The following GGACT variants were observed in gnomAD, a reference collection of about 807,000 sequenced individuals.
The protein encoded by GGACT is gamma-glutamylamine cyclotransferase.
For missense variants in GGACT, 241 were observed against 233.2 expected, an observed-to-expected ratio of 1.03 and a Z score of -0.22; for synonymous variants, 118 against 115.3, an observed-to-expected ratio of 1.02 and a Z score of -0.15.
intron 2 of GGACT, among the ~76,000 whole-genome samples, chr13:100,571,571 C>T (rs1875083845): frequency 6.6e-6 from 1 of 152,140 alleles, no homozygotes; most frequent in Admixed American, 6.5e-5. Flanking sequence ...CTTCAGCCTC[C>T]CCAAGTGCTA....
At chr13:100,577,188 G>A (rs1173818160) in intron 2 of GGACT, among the ~76,000 whole-genome samples, 9 of 152,110 alleles carry the variant, frequency 5.9e-5, no homozygotes, top group East Asian at 1.9e-4. Flanking sequence ...GGCTGAGGAC[G>A]GCGGATCATC....
Position 100,530,243 on chromosome 13 carries a change from C to G in GGACT, c.*1887G>C. The G allele has an allele frequency of 2.6e-6, 3 of 1,168,690 alleles. No individual in the cohort carries two copies. The highest frequency in any genetic ancestry group is 3.9e-6 in the Non-Finnish European group (3 of 778,640). The allele number at this position is 1,168,690 out of a possible 1,614,324, so 72.4% of individuals were successfully genotyped here. On this transcript the variant is annotated 3_prime_UTR_variant, in exon 3 of 3. Transcript: ENST00000683975. Reference sequence around the variant, plus strand: ...TGCTTTCACACACAATTGATTCAAGCATTATACAGGAACACCCCTGTGCAG... The same window carrying G: ...TGCTTTCACACACAATTGATTCAAGGATTATACAGGAACACCCCTGTGCAG...
In GGACT at chr13:100,532,494, C is replaced by G. The variant is rs1427776941; in HGVS notation, c.98G>C (p.Arg33Pro). Residue 33 changes from arginine to proline, a missense_variant, in exon 3 of 3, where the codon CGC (arginine) becomes CCC (proline). Coordinates refer to ENST00000683975, the MANE Select transcript of GGACT (RefSeq NM_001195087.2). The part of the protein sequence containing the change: ...GAHGSAAFRA[R>P]GRTLEPYPLV... ...CGGGTAGGGCTCCAGCGTGCGGCCGCGCGCCCGAAAGGCTGCGGAGCCGTG... is the reference window on the plus strand; with the variant it reads ...CGGGTAGGGCTCCAGCGTGCGGCCGGGCGCCCGAAAGGCTGCGGAGCCGTG... 1.9e-6 allele frequency: 3 copies of G among 1,548,890 alleles called. No homozygotes were observed.
At chr13:100,546,642 G>C (rs2088607786) in intron 2 of GGACT, among the ~76,000 whole-genome samples, 1 of 152,170 alleles carries the variant, frequency 6.6e-6, no homozygotes, top group Non-Finnish European at 1.5e-5. Context: ...CACCACTGCA[G>C]CATGGGCCTC....
chr13:100,532,310 C>T lies in GGACT; in HGVS notation c.282G>A (p.Arg94=), dbSNP rs1037573033. ...CPALYQRTVL[R]VQLLEDRAPG... ...GGGCCCGGTCCTCCAGCAGCTGTAC[C>T]CGCAGCACCGTGCGCTGGTACAGGG... The change falls in exon 3 of 3, where the codon CGG becomes CGA. Residue 94 remains arginine, a synonymous_variant. Transcript: ENST00000683975. The T allele has an allele frequency of 4.5e-6, 7 of 1,548,488 alleles. No homozygotes were observed. Among genetic ancestry groups the T allele is most frequent in the South Asian group, 1.2e-5 (1 of 83,960 alleles).
At chr13:100,551,102 G>T (rs770125957) in intron 2 of GGACT, among the ~76,000 whole-genome samples, 8 of 152,044 alleles carry the variant, frequency 5.3e-5, no homozygotes, top group Non-Finnish European at 1.0e-4. Context: ...GGCTAACATA[G>T]TGAAACCCCA....
intron 1 of GGACT, among the ~76,000 whole-genome samples, chr13:100,585,459 C>A (rs923066718): frequency 6.6e-6 from 1 of 152,096 alleles, no homozygotes; most frequent in Non-Finnish European, 1.5e-5. Flanking sequence ...ACATCTGCCA[C>A]CCCTGCCCTA....
Position 100,534,256 on chromosome 13 carries a change from T to C in GGACT, c.-10-1655A>G, listed in dbSNP as rs982117366. Among the ~76,000 whole-genome samples the C allele has an allele frequency of 6.6e-6, 1 of 152,086 alleles. No homozygotes were observed. Among genetic ancestry groups the C allele is most frequent in the South Asian group, 2.1e-4 (1 of 4,822 alleles). Reference sequence around the variant, plus strand: ...CATTGCACTAGGAAAGGTGTGGCCGTGGGAAAAACACAAGGCTAGCCAGAT... The same window carrying C: ...CATTGCACTAGGAAAGGTGTGGCCGCGGGAAAAACACAAGGCTAGCCAGAT... On this transcript the variant is annotated intron_variant, in intron 2 of 2. Transcript: ENST00000683975. This position sits in a 1 kb window ranked among gnomAD's most constrained non-coding sequence, Gnocchi z 4.9.
chr13:100,560,822 T>C (rs941632352), intron 2 of GGACT, among the ~76,000 whole-genome samples: 11 of 152,232 alleles, frequency 7.2e-5, no homozygotes, highest in Admixed American at 7.2e-4. Flanking sequence ...TGTCCTAAAG[T>C]ACAACGGAGT....
chr13:100,555,177 A>C (rs1203620530), intron 2 of GGACT, among the ~76,000 whole-genome samples: 1 of 152,230 alleles, frequency 6.6e-6, no homozygotes, highest in Non-Finnish European at 1.5e-5. Flanking sequence ...AGCACTTCTC[A>C]ACTCCTTTTA....
rs1420776050 is a variant in GGACT at position 100,537,648 on chromosome 13, G to A, written c.-10-5047C>T. 4 of 152,272 alleles carry A rather than the reference G, an allele frequency of 2.6e-5. No homozygotes were observed. In the East Asian group the frequency reaches 7.7e-4, roughly 29 times the overall value. 9.4% of individuals were successfully genotyped at this position (152,272 alleles called of 1,614,324 possible). On this transcript the variant is annotated intron_variant, in intron 2 of 2. Transcript: ENST00000683975. ...AGACACACTTGTCAAAGGGCGCCTC[G>A]CGGGAGACAGCTGCACAGCACAGGC...
intron 2 of GGACT, among the ~76,000 whole-genome samples, chr13:100,579,691 ACC>A (rs1875356282): frequency 6.6e-6 from 1 of 152,020 alleles, no homozygotes; most frequent in South Asian, 2.1e-4. Flanking sequence ...ATCAGCTCAC[ACC>A]CTTTTTTCCA....
At chr13:100,554,865 G>C (rs1242489066) in intron 2 of GGACT, among the ~76,000 whole-genome samples, 1 of 152,096 alleles carries the variant, frequency 6.6e-6, no homozygotes, top group Admixed American at 6.6e-5. Context: ...AAGAAATCAA[G>C]GAGGGAACAT....
rs60327217 is a variant in GGACT at position 100,583,381 on chromosome 13, T to C, written c.-11+444A>G. ...ATTACACAAAGTACAAAAAATAGGGTGGAAATAGTTATAGTACGTATGACA... is the reference window on the plus strand; with the variant it reads ...ATTACACAAAGTACAAAAAATAGGGCGGAAATAGTTATAGTACGTATGACA... On this transcript the variant is annotated intron_variant, in intron 2 of 2. Transcript: ENST00000683975. Among the ~76,000 whole-genome samples, 1,490 of 152,320 alleles carry C rather than the reference T, an allele frequency of 9.8e-3. 18 individuals are homozygous for C. The highest frequency in any genetic ancestry group is 0.033 in the African/African-American group (1,364 of 41,580).
intron 2 of GGACT, among the ~76,000 whole-genome samples, chr13:100,557,007 A>G (rs911684190): frequency 5.3e-5 from 8 of 152,124 alleles, no homozygotes; most frequent in African/African-American, 1.9e-4. Flanking sequence ...CTCATGCCTC[A>G]GCCTCCCAAG....
chr13:100,551,738 G>GT (rs1216218739), intron 2 of GGACT, among the ~76,000 whole-genome samples: 1 of 152,242 alleles, frequency 6.6e-6, no homozygotes, highest in Non-Finnish European at 1.5e-5. Flanking sequence ...TCCCTTCGAT[G>GT]TACAGGGTTT....
chr13:100,572,737 A>C (rs77028963), intron 2 of GGACT, among the ~76,000 whole-genome samples: 1 of 152,064 alleles, frequency 6.6e-6, no homozygotes, highest in African/African-American at 2.4e-5. Flanking sequence ...AGGATAAAAA[A>C]CATTTTTCAG....
At chr13:100,581,894 G>T (rs995520060) in intron 2 of GGACT, among the ~76,000 whole-genome samples, 1 of 152,218 alleles carries the variant, frequency 6.6e-6, no homozygotes, top group Non-Finnish European at 1.5e-5. Flanking sequence ...TCTGTGGGGT[G>T]AGGGCTAAAG....
chr13:100,530,436 T>A lies in GGACT; in HGVS notation c.*1694A>T. 1.8e-6 allele frequency: 1 copy of A among 551,128 alleles called. No individual in the cohort carries two copies. Among genetic ancestry groups the A allele is most frequent in the Non-Finnish European group, 3.3e-6 (1 of 306,888 alleles). The allele number at this position is 551,128 out of a possible 1,614,324, so 34.1% of individuals were successfully genotyped here. ...CAATAAAACTGAGCATTTGTCTAAA[T>A]ATTAGTTTGCCCTTTCTTTGAATGA... On this transcript the variant is annotated 3_prime_UTR_variant, in exon 3 of 3. Coordinates refer to ENST00000683975, the MANE Select transcript of GGACT (RefSeq NM_001195087.2).
Sources: allele counts gnomAD v4.1 joint callset (sites outside exome capture counted in the v4.1 genomes callset), GRCh38; gene constraint gnomAD v4.1.1; non-coding constraint Gnocchi (gnomAD v3.1); transcripts MANE v1.5; gene names NCBI Gene and HGNC (gene_info 2026-07-23, HGNC 2026-07-21).